The following PDE3A variants were observed in gnomAD, a reference collection of about 807,000 sequenced individuals.
PDE3A encodes the protein phosphodiesterase 3A, also known as cGMP-inhibited 3',5'-cyclic phosphodiesterase 3A.
A neutral mutation model predicts 98.3 loss-of-function variants in PDE3A; 43 were observed. That is an observed-to-expected ratio of 0.44 (90% confidence interval 0.34 to 0.56). PDE3A has a LOEUF of 0.56. Ranked by LOEUF, PDE3A falls within the 20% of genes least tolerant of loss-of-function variation. The probability of loss-of-function intolerance (pLI) is 0.01; values close to 1 mark genes in which losing one functional copy is unlikely to be tolerated. For missense variants in PDE3A, 1,427 were observed against 1,440.7 expected (o/e 0.99, Z 0.15); for synonymous variants, 663 against 567.9 (o/e 1.17, Z -2.38).
At chr12:20,376,128 T>C (rs1943567429) in intron 1 of PDE3A, among the ~76,000 whole-genome samples, 1 of 151,924 alleles carries the variant, frequency 6.6e-6, no homozygotes, top group African/African-American at 2.4e-5. Flanking sequence ...AATAGTACAC[T>C]GATTGATTGT....
chr12:20,568,427 C>T (rs1445567927), intron 2 of PDE3A, among the ~76,000 whole-genome samples: 1 of 151,840 alleles, frequency 6.6e-6, no homozygotes, highest in African/African-American at 2.4e-5. Flanking sequence ...CTATGTTCGT[C>T]ATTTTATGCA....
chr12:20,397,443 A>G (rs1236232527), intron 1 of PDE3A, among the ~76,000 whole-genome samples: 1 of 152,074 alleles, frequency 6.6e-6, no homozygotes, highest in African/African-American at 2.4e-5. Context: ...ATAAAGAATT[A>G]TACTTATGGT....
chr12:20,408,325 T>TAAAGACTA (rs1944271439), intron 1 of PDE3A, among the ~76,000 whole-genome samples: 1 of 152,232 alleles, frequency 6.6e-6, no homozygotes, highest in Non-Finnish European at 1.5e-5. Flanking sequence ...AAACAAGTGT[T>TAAAGACTA]ATTAGTCTTC....
At chr12:20,419,137 G>C (rs1944470801) in intron 1 of PDE3A, among the ~76,000 whole-genome samples, 3 of 152,206 alleles carry the variant, frequency 2.0e-5, no homozygotes, top group South Asian at 4.2e-4. Context: ...ATTAAAATTG[G>C]ATGAAATTTC....
At position 20,552,299 on chromosome 12, in the gene PDE3A, G is replaced by C; in HGVS notation, c.961-4361G>C. On this transcript the variant is annotated intron_variant, in intron 1 of 15. Coordinates refer to ENST00000359062, the MANE Select transcript of PDE3A (RefSeq NM_000921.5). This position sits in a 1 kb window ranked among gnomAD's most constrained non-coding sequence, Gnocchi z 5.1. ...CCCGCTGAGGGCAACCGCTACGATG[G>C]CATCTACAAGGTTGTGAAATACTGG... is the stretch of plus-strand genomic sequence containing the variant. The C allele has an allele frequency of 6.2e-7, 1 of 1,613,942 alleles. No homozygotes were observed. The highest frequency in any genetic ancestry group is 1.7e-5 in the Admixed American group (1 of 60,024).
chr12:20,398,063 G>A (rs966708460), intron 1 of PDE3A, among the ~76,000 whole-genome samples: 10 of 120,668 alleles, frequency 8.3e-5, no homozygotes, highest in Non-Finnish European at 1.5e-4. Flanking sequence ...TTTTTTTTTC[G>A]GGAGTACTGG....
chr12:20,489,967 G>A (rs1476586716), intron 1 of PDE3A, among the ~76,000 whole-genome samples: 1 of 152,212 alleles, frequency 6.6e-6, no homozygotes, highest in African/African-American at 2.4e-5. Context: ...TCCTTGGTAA[G>A]AGAGTTGGAT....
At position 20,519,064 on chromosome 12, in the gene PDE3A, T is replaced by A. The variant is rs189595066; in HGVS notation, c.961-37596T>A. 4.1e-3 allele frequency among the ~76,000 whole-genome samples: 632 copies of A among 152,340 alleles called. 3 individuals are homozygous for A. The highest frequency in any genetic ancestry group is 0.014 in the Admixed American group (208 of 15,292). ...AACTTTAGGGGTAGCAGTTGGCATTTTTATGAGACTAGGAAGTATATGATT... is the reference window on the plus strand; with the variant it reads ...AACTTTAGGGGTAGCAGTTGGCATTATTATGAGACTAGGAAGTATATGATT... On this transcript the variant is annotated intron_variant, in intron 1 of 15. Coordinates refer to ENST00000359062, the MANE Select transcript of PDE3A (RefSeq NM_000921.5).
Position 20,680,045 on chromosome 12 carries a change from A to G in PDE3A, c.3200A>G (p.Lys1067Arg), listed in dbSNP as rs752760438. 2.5e-6 allele frequency: 4 copies of G among 1,599,380 alleles called. No homozygotes were observed. The Admixed American group carries it at 6.7e-5, about 27-fold the overall frequency. ...NNESPKKKTF[K>R]RRKIYCQITQ... The stretch of plus-strand genomic sequence containing the variant: ...TTTATTTTAGAAAAGAAGACTTTCA[A>G]AAGGAGAAAAATCTACTGCCAAATA... The change falls in exon 16 of 16, where the codon AAA (lysine) becomes AGA (arginine). Residue 1067 changes from lysine to arginine, a missense_variant. Transcript: ENST00000359062.
intron 6 of PDE3A, among the ~76,000 whole-genome samples, chr12:20,630,974 G>C (rs939287747): frequency 6.6e-6 from 1 of 152,060 alleles, no homozygotes; most frequent in Non-Finnish European, 1.5e-5. Context: ...TTACCTCATA[G>C]ACTCAGATTT....
intron 5 of PDE3A, among the ~76,000 whole-genome samples, chr12:20,629,624 T>G (rs1944338128): frequency 6.6e-6 from 1 of 152,104 alleles, no homozygotes; most frequent in African/African-American, 2.4e-5. Flanking sequence ...GAGGAGAAAA[T>G]AATATCCTTC....
chr12:20,395,963 A>G (rs566698375), intron 1 of PDE3A, among the ~76,000 whole-genome samples: 1 of 152,120 alleles, frequency 6.6e-6, no homozygotes, highest in East Asian at 1.9e-4. Context: ...TGGCATGATC[A>G]TAGCTCACTG....
Position 20,639,919 on chromosome 12 carries a change from AT to A in PDE3A, c.2217del (p.His740MetfsTer39). On this transcript the variant is annotated frameshift_variant, in exon 10 of 16. Transcript: ENST00000359062. LOFTEE classifies it high-confidence loss of function. ...ATTCCAATTAGGGAATTTATGAATT[AT>A]TTTCATGCTTTGGAGATTGGATATA... ...FKIPIREFMN[Y>X]FHALEIGYRD... 6.4e-7 allele frequency: 1 copy of A among 1,557,600 alleles called. No individual in the cohort carries two copies. The highest frequency in any genetic ancestry group is 8.9e-7 in the Non-Finnish European group (1 of 1,129,542).
intron 15 of PDE3A, among the ~76,000 whole-genome samples, chr12:20,664,469 C>G (rs182750877): frequency 3.0e-4 from 46 of 152,156 alleles, no homozygotes; most frequent in Non-Finnish European, 5.9e-4. Context: ...GTTCAGAATA[C>G]CTCTATTCAT....
chr12:20,459,495 T>G (rs1473560961), intron 1 of PDE3A, among the ~76,000 whole-genome samples: 1 of 152,168 alleles, frequency 6.6e-6, no homozygotes, highest in African/African-American at 2.4e-5. Flanking sequence ...TAGCATAATT[T>G]CTATCTTTTT....
intron 15 of PDE3A, among the ~76,000 whole-genome samples, chr12:20,659,220 T>C (rs1385593362): frequency 6.6e-6 from 1 of 152,178 alleles, no homozygotes; most frequent in African/African-American, 2.4e-5. Context: ...TTCAATTTAA[T>C]AATTGTCATT....
intron 1 of PDE3A, among the ~76,000 whole-genome samples, chr12:20,462,216 C>G (rs775761407): frequency 6.6e-6 from 1 of 152,116 alleles, no homozygotes; most frequent in African/African-American, 2.4e-5. Context: ...AGAGGCCAGG[C>G]GCGGTGGCTT....
intron 3 of PDE3A, among the ~76,000 whole-genome samples, chr12:20,614,156 T>TAA (rs1943941133): frequency 7.2e-4 from 4 of 5,558 alleles, no homozygotes; most frequent in South Asian, 0.25. Context: ...GACTTTCCAA[T>TAA]ACACAGTTTT....
intron 1 of PDE3A, among the ~76,000 whole-genome samples, chr12:20,531,234 A>G (rs1371475707): frequency 1.3e-5 from 2 of 152,234 alleles, no homozygotes; most frequent in Non-Finnish European, 2.9e-5. Flanking sequence ...ACCTAACTGC[A>G]TCTAGGTAAA....
Sources: allele counts gnomAD v4.1 joint callset (sites outside exome capture counted in the v4.1 genomes callset), GRCh38; gene constraint gnomAD v4.1.1; non-coding constraint Gnocchi (gnomAD v3.1); transcripts MANE v1.5; gene names NCBI Gene and HGNC (gene_info 2026-07-23, HGNC 2026-07-21).